Variants in PGM5 observed in about 807,000 individuals in gnomAD.
PGM5 encodes the protein phosphoglucomutase-like protein 5.
PGM5 carries 23 observed loss-of-function variants against 59.2 expected under a neutral mutation model. The observed-to-expected ratio is 0.39, with a 90% confidence interval of 0.28 to 0.55. The LOEUF is 0.55. Ranked by LOEUF, PGM5 falls within the 20% of genes least tolerant of loss-of-function variation. The pLI is 0.66. For synonymous variants in PGM5, 214 were observed against 286.0 expected, an observed-to-expected ratio of 0.75 and a Z score of 2.54; for missense variants, 574 against 748.3, an observed-to-expected ratio of 0.77 and a Z score of 2.72.
intron 1 of PGM5, among the ~76,000 whole-genome samples, chr9:68,371,952 C>G (rs1366530413): frequency 6.6e-6 from 1 of 152,186 alleles, no homozygotes; most frequent in Non-Finnish European, 1.5e-5. Context: ...AGGGAGGATC[C>G]TCCCCTAGAG....
chr9:68,360,453 A>C (rs1278677373), intron 1 of PGM5, among the ~76,000 whole-genome samples: 4 of 150,870 alleles, frequency 2.7e-5, no homozygotes, highest in African/African-American at 9.7e-5. Flanking sequence ...GAGCTATGGC[A>C]GCTCTCATAC....
chr9:68,406,680 A>ATATG (rs1822820551), intron 6 of PGM5, among the ~76,000 whole-genome samples: 3 of 34,798 alleles, frequency 8.6e-5, no homozygotes, highest in African/African-American at 4.3e-4. Flanking sequence ...ATATATATGT[A>ATATG]TATATATATA....
chr9:68,529,740 C>A lies in PGM5; in HGVS notation c.*84C>A. ...GATGCCTTCTTGCTACCTGTTTGTG[C>A]CTCTTATGACTTTGGAAAAACAAAA... On this transcript the variant is annotated 3_prime_UTR_variant, in exon 11 of 11. Transcript: ENST00000396396. 1.3e-6 allele frequency: 1 copy of A among 787,118 alleles called. No homozygotes were observed. The highest frequency in any genetic ancestry group is 2.0e-6 in the Non-Finnish European group (1 of 503,968). The allele number at this position is 787,118 out of a possible 1,614,324, so 48.8% of individuals were successfully genotyped here. A position where few individuals can be genotyped will look rare whatever the true frequency, so the allele number is the denominator to read the frequency against.
intron 10 of PGM5, 148 bp from the exon 11 acceptor site, chr9:68,529,419 G>T: frequency 1.6e-6 from 1 of 642,288 alleles, no homozygotes. Flanking sequence ...ACCATTGGTG[G>T]AGGAGGAAGC....
chr9:68,484,160 G>A, intron 9 of PGM5, 112 bp downstream of exon 9: 1 of 886,158 alleles, frequency 1.1e-6, no homozygotes, highest in South Asian at 1.6e-5. Flanking sequence ...TTTTATAGAT[G>A]AGAACTGTGC....
intron 6 of PGM5, among the ~76,000 whole-genome samples, chr9:68,447,010 C>T (rs1554684045): frequency 6.6e-6 from 1 of 152,118 alleles, no homozygotes; most frequent in Non-Finnish European, 1.5e-5. Context: ...GAACTGTATA[C>T]ACTCTGGAGG....
chr9:68,417,577 C>A (rs868919721), intron 6 of PGM5, among the ~76,000 whole-genome samples: 2 of 152,000 alleles, frequency 1.3e-5, no homozygotes, highest in Admixed American at 1.3e-4. Context: ...ATTTTTAACC[C>A]CAAAGTATAT....
intron 9 of PGM5, 73 bp from the exon 10 acceptor site, chr9:68,499,154 G>T: frequency 6.6e-7 from 1 of 1,503,978 alleles, no homozygotes. Context: ...GCTGATTTCT[G>T]TGGCAGGTAT....
intron 10 of PGM5, among the ~76,000 whole-genome samples, chr9:68,516,934 C>T (rs536082306): frequency 1.2e-4 from 18 of 152,106 alleles, no homozygotes; most frequent in Admixed American, 3.9e-4. Context: ...TGCAATGGCG[C>T]GGTCTCGGCT....
At chr9:68,363,842 A>C (rs1242062545) in intron 1 of PGM5, among the ~76,000 whole-genome samples, 2 of 152,046 alleles carry the variant, frequency 1.3e-5, no homozygotes, top group Non-Finnish European at 1.5e-5. Context: ...TGACAGGATC[A>C]TTTAATTATC....
At chr9:68,455,636 A>T (rs1323582148) in intron 6 of PGM5, among the ~76,000 whole-genome samples, 1 of 152,228 alleles carries the variant, frequency 6.6e-6, no homozygotes, top group East Asian at 1.9e-4. Flanking sequence ...GCCTTCTGCC[A>T]TCAGAGGCAT....
intron 7 of PGM5, among the ~76,000 whole-genome samples, chr9:68,476,790 G>A (rs1195797479): frequency 6.6e-6 from 1 of 152,188 alleles, no homozygotes; most frequent in Non-Finnish European, 1.5e-5. Flanking sequence ...AAATGTTGAG[G>A]TGGGTTTTTT....
chr9:68,502,568 C>T (rs1824593786), intron 10 of PGM5, among the ~76,000 whole-genome samples: 1 of 152,228 alleles, frequency 6.6e-6, no homozygotes, highest in Non-Finnish European at 1.5e-5. Flanking sequence ...CTAATCAACC[C>T]TTGGCTTTAG....
At chr9:68,502,506 G>C (rs1251324951) in intron 10 of PGM5, among the ~76,000 whole-genome samples, 2 of 152,112 alleles carry the variant, frequency 1.3e-5, no homozygotes, top group Non-Finnish European at 2.9e-5. Context: ...GAAAAGGAAG[G>C]AGAAGTTTTG....
chr9:68,499,064 T>C, intron 9 of PGM5, 163 bp from the exon 10 acceptor site: 2 of 710,684 alleles, frequency 2.8e-6, no homozygotes, highest in Middle Eastern at 2.5e-4. Flanking sequence ...CTAAGTAGGT[T>C]CATCACATTC....
intron 6 of PGM5, among the ~76,000 whole-genome samples, chr9:68,415,290 C>A (rs1554681885): frequency 6.7e-6 from 1 of 149,512 alleles, no homozygotes; most frequent in Non-Finnish European, 1.5e-5. Flanking sequence ...GATCTGCCCA[C>A]ACCTCTCAGA....
chr9:68,503,436 G>A (rs1824609174), intron 10 of PGM5, among the ~76,000 whole-genome samples: 1 of 152,188 alleles, frequency 6.6e-6, no homozygotes, highest in Admixed American at 6.5e-5. Flanking sequence ...GAAAAAATCG[G>A]TGTATGGGGA....
intron 6 of PGM5, chr9:68,404,921 C>G (rs1312446387): frequency 5.9e-5 from 9 of 152,160 alleles, no homozygotes; most frequent in Admixed American, 5.9e-4. Flanking sequence ...TCAGGTGAAC[C>G]GTGATCCAGC....
intron 6 of PGM5, chr9:68,397,976 G>C (rs149414159): frequency 6.6e-6 from 1 of 152,194 alleles, no homozygotes; most frequent in Non-Finnish European, 1.5e-5. Flanking sequence ...TCAGCTGATC[G>C]TTGGAATCCA....
Sources: gnomAD v4.1 joint callset for allele counts (sites outside exome capture counted in the v4.1 genomes callset) on GRCh38, gnomAD v4.1.1 for gene constraint, MANE v1.5 for transcripts, NCBI Gene and HGNC (gene_info 2026-07-23, HGNC 2026-07-21) for gene names.